The following KCNQ3 variants were observed in gnomAD, a reference collection of about 807,000 sequenced individuals.
KCNQ3 encodes the protein potassium voltage-gated channel subfamily KQT member 3.
In KCNQ3, 30 loss-of-function variants were observed where a neutral mutation model predicts 92.5. The observed-to-expected ratio is 0.32, with a 90% CI of 0.24 to 0.44. The LOEUF (loss-of-function observed/expected upper bound fraction) is 0.44. Ranked by LOEUF, KCNQ3 falls within the 20% of genes least tolerant of loss-of-function variation. KCNQ3 has a pLI of 1.00. For synonymous variants in KCNQ3, 450 were observed against 468.8 expected, an observed-to-expected ratio of 0.96 and a Z score of 0.52; for missense variants, 913 against 1,140.3, an observed-to-expected ratio of 0.80 and a Z score of 2.87.
intron 1 of KCNQ3, among the ~76,000 whole-genome samples, chr8:132,300,674 G>A (rs1325635689): frequency 6.6e-6 from 1 of 152,136 alleles, no homozygotes; most frequent in East Asian, 1.9e-4. Context: ...GGGCAAGTTA[G>A]CCCCACGCAA....
intron 1 of KCNQ3, among the ~76,000 whole-genome samples, chr8:132,444,117 A>G (rs999638359): frequency 2.2e-4 from 34 of 152,202 alleles, no homozygotes; most frequent in African/African-American, 7.2e-4. Context: ...CACCTCTGGC[A>G]ATACACAGAA....
At chr8:132,420,826 G>A (rs948559975) in intron 1 of KCNQ3, among the ~76,000 whole-genome samples, 6 of 152,162 alleles carry the variant, frequency 3.9e-5, no homozygotes, top group African/African-American at 1.2e-4. Context: ...TCTAGATGCT[G>A]GGAAGCACTG....
chr8:132,470,436 C>T (rs901799365), intron 1 of KCNQ3, among the ~76,000 whole-genome samples: 1 of 152,186 alleles, frequency 6.6e-6, no homozygotes, highest in Non-Finnish European at 1.5e-5. Flanking sequence ...TTCTCTTTCT[C>T]ATTTTGGGTG....
intron 9 of KCNQ3, among the ~76,000 whole-genome samples, chr8:132,154,694 G>A (rs1327342690): frequency 6.6e-6 from 1 of 152,176 alleles, no homozygotes; most frequent in African/African-American, 2.4e-5. Context: ...CCTGTTCCTA[G>A]GTGGTGACCT....
Position 132,134,321 on chromosome 8 carries a change from C to T in KCNQ3, c.1768G>A (p.Ala590Thr), listed in dbSNP as rs1237768737. 6.2e-7 allele frequency: 1 copy of T among 1,613,974 alleles called. No individual in the cohort carries two copies. Among genetic ancestry groups the T allele is most frequent in the East Asian group, 2.2e-5 (1 of 44,858 alleles). ...GATTGCTGGGATGGGAAGGTGAATG[C>T]TGACCCTTTCTGAGACTTCTTGTGT... ...PKHKKSQKGS[A>T]FTFPSQQSPR... The change falls in exon 13 of 15, where the codon GCA (alanine) becomes ACA (threonine). Residue 590 changes from alanine to threonine, a missense_variant. By Grantham distance (58) the Ala-to-Thr change is moderately conservative. This residue lies in a region of KCNQ3 where 375 missense variants were observed against 376.4 expected (regional missense o/e 1.00). Coordinates refer to ENST00000388996, the MANE Select transcript of KCNQ3 (RefSeq NM_004519.4).
chr8:132,241,290 G>A (rs922273462), intron 1 of KCNQ3, among the ~76,000 whole-genome samples: 10 of 152,158 alleles, frequency 6.6e-5, no homozygotes, highest in African/African-American at 2.4e-4. Context: ...AAAATTGTCA[G>A]AGCTCCTTCC....
At chr8:132,390,234 G>GAATA (rs779498314) in intron 1 of KCNQ3, among the ~76,000 whole-genome samples, 2 of 152,292 alleles carry the variant, frequency 1.3e-5, no homozygotes, top group Non-Finnish European at 2.9e-5. Flanking sequence ...ATTTAGGAAT[G>GAATA]AATACTTAGG....
chr8:132,377,009 T>C (rs1469017448), intron 1 of KCNQ3, among the ~76,000 whole-genome samples: 1 of 152,172 alleles, frequency 6.6e-6, no homozygotes, highest in Non-Finnish European at 1.5e-5. Flanking sequence ...GGAATTGCGA[T>C]GGTTAATTTC....
chr8:132,136,861 A>G (rs1338103988), intron 12 of KCNQ3, among the ~76,000 whole-genome samples: 3 of 138,444 alleles, frequency 2.2e-5, no homozygotes, highest in Non-Finnish European at 4.8e-5. Flanking sequence ...CGGCTGCATA[A>G]CTTTTTTTTT....
At chr8:132,293,748 G>T (rs1816925318) in intron 1 of KCNQ3, among the ~76,000 whole-genome samples, 1 of 152,148 alleles carries the variant, frequency 6.6e-6, no homozygotes, top group African/African-American at 2.4e-5. Flanking sequence ...CTTGATTACT[G>T]AAGAGTCAGG....
intron 1 of KCNQ3, among the ~76,000 whole-genome samples, chr8:132,224,927 C>T (rs1431674117): frequency 6.6e-6 from 1 of 152,110 alleles, no homozygotes; most frequent in African/African-American, 2.4e-5. Flanking sequence ...TACTGTGTTC[C>T]AAGCATTATA....
chr8:132,347,056 G>T (rs897902), intron 1 of KCNQ3, among the ~76,000 whole-genome samples: 84,399 of 151,966 alleles, frequency 0.56, 25,827 homozygotes, highest in African/African-American at 0.83. Context: ...TTGTGTGGGC[G>T]GATTCACGCA....
At chr8:132,278,789 G>A (rs149226620) in intron 1 of KCNQ3, among the ~76,000 whole-genome samples, 2 of 152,302 alleles carry the variant, frequency 1.3e-5, no homozygotes, top group Non-Finnish European at 2.9e-5. Flanking sequence ...CTGCACTAGG[G>A]CAGTTGCTCT....
At chr8:132,440,569 T>A (rs1026510399) in intron 1 of KCNQ3, among the ~76,000 whole-genome samples, 3 of 152,290 alleles carry the variant, frequency 2.0e-5, no homozygotes, top group South Asian at 4.1e-4. Flanking sequence ...GTTCTCCATG[T>A]CGGTCGTGGG....
intron 1 of KCNQ3, among the ~76,000 whole-genome samples, chr8:132,469,767 T>G (rs1822256043): frequency 1.3e-5 from 2 of 152,034 alleles, no homozygotes; most frequent in African/African-American, 4.8e-5. Flanking sequence ...TTATGAAACT[T>G]TTAAACATTT....
chr8:132,278,138 TC>T, intron 1 of KCNQ3: 1 of 985,244 alleles, frequency 1.0e-6, no homozygotes, highest in Non-Finnish European at 1.2e-6. Context: ...AACTAGAGAA[TC>T]CCCATTTTGT....
intron 5 of KCNQ3, 73 bp from the exon 6 acceptor site, chr8:132,174,422 C>T: frequency 8.9e-7 from 1 of 1,126,670 alleles, no homozygotes; most frequent in Admixed American, 2.0e-5. Flanking sequence ...CTGAGCTCTA[C>T]CTGTAAGCCT....
At chr8:132,351,522 C>T (rs1818865601) in intron 1 of KCNQ3, among the ~76,000 whole-genome samples, 1 of 152,168 alleles carries the variant, frequency 6.6e-6, no homozygotes, top group Non-Finnish European at 1.5e-5. Context: ...AGGCCCACTA[C>T]CAGAGACCCC....
chr8:132,249,600 T>C (rs970503518), intron 1 of KCNQ3, among the ~76,000 whole-genome samples: 10 of 152,254 alleles, frequency 6.6e-5, no homozygotes, highest in African/African-American at 1.9e-4. Flanking sequence ...CTTCACCTAG[T>C]GGATCCTGCA....
Sources: allele counts gnomAD v4.1 joint callset (sites outside exome capture counted in the v4.1 genomes callset), GRCh38; gene constraint gnomAD v4.1.1; regional missense constraint gnomAD v4.1.1; transcripts MANE v1.5; gene names NCBI Gene and HGNC (gene_info 2026-07-23, HGNC 2026-07-21).